The following PTCHD4 variants were observed in gnomAD, a reference collection of about 807,000 sequenced individuals.
PTCHD4 encodes patched domain-containing protein 4.
A neutral mutation model predicts 58.1 loss-of-function variants in PTCHD4; 33 were observed. That is an observed-to-expected ratio of 0.57 (90% CI 0.43 to 0.76). The LOEUF is 0.76. Among genes scored for constraint, PTCHD4 ranks in the 30% least tolerant of loss-of-function variants. The probability of loss-of-function intolerance (pLI) is 0.00; values close to 1 mark genes in which losing one functional copy is unlikely to be tolerated. For synonymous variants in PTCHD4, 478 were observed against 409.6 expected, an observed-to-expected ratio of 1.17 and a Z score of -2.02; for missense variants, 1,058 against 1,027.1, an observed-to-expected ratio of 1.03 and a Z score of -0.41.
At chr6:47,995,901 A>G (rs1334360941) in intron 4 of PTCHD4, among the ~76,000 whole-genome samples, 1 of 152,194 alleles carries the variant, frequency 6.6e-6, no homozygotes, top group African/African-American at 2.4e-5. Flanking sequence ...TATAATTTCT[A>G]CCTTCCATTA....
In PTCHD4 at chr6:47,871,869, C is replaced by T. The variant is rs1348142322; in HGVS notation, c.*6434G>A. On this transcript the variant is annotated 3_prime_UTR_variant, in exon 5 of 5. Transcript: ENST00000339488. ...TATAATAAAGTTGTTGCTTAAACTA[C>T]TAAAACTTTGGGATATTTGCATTGA... 6.6e-6 allele frequency among the ~76,000 whole-genome samples: 1 copy of T among 151,586 alleles called. No individual in the cohort carries two copies. The highest frequency in any genetic ancestry group is 1.9e-4 in the East Asian group (1 of 5,144).
At chr6:47,996,182 G>A (rs1313562342) in intron 4 of PTCHD4, among the ~76,000 whole-genome samples, 2 of 152,130 alleles carry the variant, frequency 1.3e-5, no homozygotes, top group Non-Finnish European at 2.9e-5. Context: ...AATCAGGAGA[G>A]AGTGGCTGGG....
intron 4 of PTCHD4, among the ~76,000 whole-genome samples, chr6:47,946,694 A>C (rs1766430783): frequency 6.6e-6 from 1 of 152,010 alleles, no homozygotes; most frequent in Non-Finnish European, 1.5e-5. Flanking sequence ...ATATATTTGG[A>C]TTATTTGTAC....
chr6:47,865,107 TG>T lies in PTCHD4; in HGVS notation c.*13195del, dbSNP rs1284543517. 1.3e-5 allele frequency among the ~76,000 whole-genome samples: 2 copies of T among 151,930 alleles called. No homozygotes were observed. The highest frequency in any genetic ancestry group is 4.8e-5 in the African/African-American group (2 of 41,392). On this transcript the variant is annotated 3_prime_UTR_variant, in exon 5 of 5. Transcript: ENST00000339488. ...TGCTAATTAAATTGATGTTTATATA[TG>T]TAGATTAATCTAGATACTATTGTAG...
At chr6:48,049,060 C>T (rs1293816270) in intron 3 of PTCHD4, among the ~76,000 whole-genome samples, 3 of 151,952 alleles carry the variant, frequency 2.0e-5, no homozygotes, top group Non-Finnish European at 4.4e-5. Flanking sequence ...GCAGAGAAAT[C>T]TGTGAGAACT....
chr6:47,952,184 T>C (rs1766679255), intron 4 of PTCHD4, among the ~76,000 whole-genome samples: 2 of 152,158 alleles, frequency 1.3e-5, no homozygotes, highest in Non-Finnish European at 2.9e-5. Flanking sequence ...GCTTATTTCA[T>C]TGATAAAGCA....
At position 47,868,424 on chromosome 6, in the gene PTCHD4, G is replaced by A. The variant is rs1450498516; in HGVS notation, c.*9879C>T. Among the ~76,000 whole-genome samples, 1 of 151,664 alleles carries A rather than the reference G, an allele frequency of 6.6e-6. No individual in the cohort carries two copies. The highest frequency in any genetic ancestry group is 1.5e-5 in the Non-Finnish European group (1 of 67,790). ...AAACAAAACAACAACAAAAGCTTCTGAATATGGGCTCTCAAAGATTGAAAT... is the reference window on the plus strand; with the variant it reads ...AAACAAAACAACAACAAAAGCTTCTAAATATGGGCTCTCAAAGATTGAAAT... On this transcript the variant is annotated 3_prime_UTR_variant, in exon 5 of 5. Coordinates refer to ENST00000339488, the MANE Select transcript of PTCHD4 (RefSeq NM_001384253.1).
chr6:47,924,133 A>G (rs1189350620), intron 4 of PTCHD4, among the ~76,000 whole-genome samples: 2 of 152,110 alleles, frequency 1.3e-5, no homozygotes, highest in Non-Finnish European at 2.9e-5. Flanking sequence ...TATCTTGGTC[A>G]AAGTCAGCAT....
At chr6:47,889,399 T>C (rs924544514) in intron 4 of PTCHD4, among the ~76,000 whole-genome samples, 5 of 149,486 alleles carry the variant, frequency 3.3e-5, no homozygotes, top group African/African-American at 1.2e-4. Context: ...TGCATTTCTC[T>C]GATGGCCAGT....
At chr6:47,949,985 T>A (rs1432489993) in intron 4 of PTCHD4, among the ~76,000 whole-genome samples, 2 of 151,700 alleles carry the variant, frequency 1.3e-5, no homozygotes, top group Non-Finnish European at 2.9e-5. Context: ...ACCCATTAAC[T>A]CATCATTTAG....
At chr6:47,992,478 G>T (rs995778530) in intron 4 of PTCHD4, among the ~76,000 whole-genome samples, 3 of 152,120 alleles carry the variant, frequency 2.0e-5, no homozygotes, top group African/African-American at 7.2e-5. Flanking sequence ...TGCTGGTATT[G>T]TTCTATTTCT....
At chr6:48,060,480 T>G (rs1764581015) in intron 3 of PTCHD4, among the ~76,000 whole-genome samples, 2 of 152,182 alleles carry the variant, frequency 1.3e-5, no homozygotes, top group African/African-American at 4.8e-5. Flanking sequence ...TTCAGTCTTT[T>G]TGTTTTGTTG....
intron 3 of PTCHD4, among the ~76,000 whole-genome samples, chr6:48,028,194 C>T (rs539282515): frequency 3.3e-5 from 5 of 152,132 alleles, no homozygotes; most frequent in East Asian, 1.9e-4. Context: ...CTGCCCACCT[C>T]GGCCTCCCAA....
chr6:47,919,480 G>C (rs1302631406), intron 4 of PTCHD4, among the ~76,000 whole-genome samples: 2 of 152,186 alleles, frequency 1.3e-5, no homozygotes, highest in African/African-American at 4.8e-5. Flanking sequence ...TGAGGAGTTG[G>C]CAATTAGGAA....
At chr6:48,104,356 T>G (rs1446271316) in intron 1 of PTCHD4, among the ~76,000 whole-genome samples, 1 of 152,114 alleles carries the variant, frequency 6.6e-6, no homozygotes, top group African/African-American at 2.4e-5. Context: ...AAACTAAGCT[T>G]CATAAGTGAA....
chr6:47,924,102 T>G (rs1765519693), intron 4 of PTCHD4, among the ~76,000 whole-genome samples: 1 of 152,164 alleles, frequency 6.6e-6, no homozygotes, highest in African/African-American at 2.4e-5. Context: ...ATTCCCTGAT[T>G]TATTTCTACA....
chr6:48,086,223 A>G (rs780292623), intron 1 of PTCHD4, among the ~76,000 whole-genome samples: 1 of 152,238 alleles, frequency 6.6e-6, no homozygotes, highest in African/African-American at 2.4e-5. Flanking sequence ...GAGCAGCGTT[A>G]TGTCCTAATA....
At chr6:48,053,195 T>C (rs964982276) in intron 3 of PTCHD4, among the ~76,000 whole-genome samples, 1 of 152,084 alleles carries the variant, frequency 6.6e-6, no homozygotes, top group Non-Finnish European at 1.5e-5. Context: ...TGTTTACAGG[T>C]GAAGAGACAG....
intron 4 of PTCHD4, among the ~76,000 whole-genome samples, chr6:47,904,551 C>T (rs1304055942): frequency 1.3e-5 from 2 of 152,076 alleles, no homozygotes; most frequent in African/African-American, 2.4e-5. Flanking sequence ...CTTAGAATCT[C>T]CTGGAAAGAG....
Sources: gnomAD v4.1 joint callset for allele counts (sites outside exome capture counted in the v4.1 genomes callset) on GRCh38, gnomAD v4.1.1 for gene constraint, MANE v1.5 for transcripts, NCBI Gene and HGNC (gene_info 2026-07-23, HGNC 2026-07-21) for gene names.